Variants in SFTPD observed in about 807,000 individuals in gnomAD.
SFTPD encodes the protein surfactant protein D, also known as pulmonary surfactant-associated protein D.
Under a neutral mutation model 34.6 loss-of-function variants are expected in SFTPD, and 18 were observed. That is an observed-to-expected ratio of 0.52 (90% CI 0.36 to 0.77). The LOEUF is 0.77. SFTPD is among the 30% of genes least tolerant of loss of function. SFTPD has a pLI of 0.00. For synonymous variants in SFTPD, 155 were observed against 180.9 expected (o/e 0.86, Z 1.15); for missense variants, 433 against 468.9 (o/e 0.92, Z 0.71).
At position 79,959,219 on chromosome 10, in the gene SFTPD, G is replaced by A. The variant is rs375854094; in HGVS notation, c.37-12557C>T. 6.0e-3 allele frequency among the ~76,000 whole-genome samples: 878 copies of A among 146,178 alleles called. 6 individuals carry two copies. Among genetic ancestry groups the A allele is most frequent in the African/African-American group, 0.014 (521 of 36,562 alleles). ...AAAGATCCAAAATTGACACCCTAAC[G>A]TCACAATTAAAAGAACTAGAAAAGC... On this transcript the variant is annotated intron_variant, in intron 1 of 5. Transcript: ENST00000444384.
chr10:79,980,217 A>G (rs1322922819), intron 1 of SFTPD, among the ~76,000 whole-genome samples: 2 of 151,948 alleles, frequency 1.3e-5, no homozygotes, highest in Admixed American at 6.6e-5. Context: ...GGCCACAGGG[A>G]GGGACTCCTG....
chr10:79,954,870 G>C (rs1842729997), intron 1 of SFTPD, among the ~76,000 whole-genome samples: 1 of 152,106 alleles, frequency 6.6e-6, no homozygotes, highest in African/African-American at 2.4e-5. Flanking sequence ...GGTGGCCTTG[G>C]GAATGTATCT....
At chr10:79,962,805 C>T (rs1278314834) in intron 1 of SFTPD, among the ~76,000 whole-genome samples, 2 of 152,054 alleles carry the variant, frequency 1.3e-5, no homozygotes, top group African/African-American at 2.4e-5. Context: ...TATTCAACTC[C>T]GTGCATATAA....
chr10:79,962,873 C>T (rs1396570090), intron 1 of SFTPD, among the ~76,000 whole-genome samples: 1 of 152,082 alleles, frequency 6.6e-6, no homozygotes, highest in African/African-American at 2.4e-5. Context: ...TTTATCAAAA[C>T]CTTTTCAATG....
At position 79,942,011 on chromosome 10, in the gene SFTPD, T is replaced by C. The variant is rs1178107286; in HGVS notation, c.493A>G (p.Lys165Glu). The change falls in exon 5 of 8, where the codon AAG becomes GAG. Residue 165 changes from lysine to glutamate, a missense_variant. Lys to Glu is a moderately conservative substitution (Grantham distance 56). Coordinates refer to ENST00000372292, the MANE Select transcript of SFTPD (RefSeq NM_003019.5). ...SAGARGLAGP[K>E]GERGVPGERG... ...TCACCAGGGACACCTCGCTCTCCCT[T>C]AGGGCCTGCGAGGCCTCTTGCCCCT... 6.2e-7 allele frequency: 1 copy of C among 1,614,038 alleles called. No individual in the cohort carries two copies. The highest frequency in any genetic ancestry group is 1.1e-5 in the South Asian group (1 of 91,082).
At chr10:79,942,347 C>T in intron 4 of SFTPD, 41 bp downstream of exon 4, 1 of 1,368,936 alleles carries the variant, frequency 7.3e-7, no homozygotes, top group Non-Finnish European at 1.0e-6. Flanking sequence ...CTTGTCCTTC[C>T]TCCTTTCCCT....
intron 1 of SFTPD, among the ~76,000 whole-genome samples, chr10:79,956,783 T>C (rs1842742235): frequency 6.6e-6 from 1 of 152,216 alleles, no homozygotes; most frequent in African/African-American, 2.4e-5. Flanking sequence ...TGTCCCTGTC[T>C]GACAGCTTTG....
At chr10:79,948,165 G>A (rs1589336807) in intron 1 of SFTPD, among the ~76,000 whole-genome samples, 1 of 152,226 alleles carries the variant, frequency 6.6e-6, no homozygotes, top group Non-Finnish European at 1.5e-5. Context: ...ACTGCCAGCA[G>A]CGGCTACCTT....
At chr10:79,944,424 GGTGATCCGGGAGTAAA>G (rs1564529805) in intron 2 of SFTPD, among the ~76,000 whole-genome samples, 1 of 152,176 alleles carries the variant, frequency 6.6e-6, no homozygotes, top group Non-Finnish European at 1.5e-5. Flanking sequence ...TCACTGAGAA[GGTGATCCGGGAGTAAA>G]GTCCTGAAGG....
In SFTPD at chr10:79,937,850, G is replaced by A; in HGVS notation, c.*2C>T. On this transcript the variant is annotated 3_prime_UTR_variant, in exon 8 of 8. Coordinates refer to ENST00000372292, the MANE Select transcript of SFTPD (RefSeq NM_003019.5). ...AGCACTGCCCCACCCACCCCAGTTG[G>A]CTCAGAACTCGCAGACCACAAGACG... The A allele has an allele frequency of 1.3e-6, 2 of 1,534,904 alleles. No homozygotes were observed. The highest frequency in any genetic ancestry group is 1.8e-6 in the Non-Finnish European group (2 of 1,136,548).
Position 79,961,847 on chromosome 10 carries a change from A to G in SFTPD, c.37-15185T>C, listed in dbSNP as rs1233679844. ...CTGCTATAAAGACACATACACACGT[A>G]TGTTTATTGTGGCACTATTCACAAT... On this transcript the variant is annotated intron_variant, in intron 1 of 5. Coordinates refer to the SFTPD transcript ENST00000444384. 3.3e-5 allele frequency among the ~76,000 whole-genome samples: 5 copies of G among 152,162 alleles called. No homozygotes were observed. The South Asian group carries it at 1.0e-3, about 32-fold the overall frequency.
At chr10:79,980,503 C>T (rs1199204755) in intron 1 of SFTPD, among the ~76,000 whole-genome samples, 1 of 152,150 alleles carries the variant, frequency 6.6e-6, no homozygotes, top group African/African-American at 2.4e-5. Flanking sequence ...TCACCAGAGG[C>T]CTTAGGTGGG....
At chr10:79,945,440 C>T (rs1208145526) in intron 2 of SFTPD, among the ~76,000 whole-genome samples, 1 of 152,166 alleles carries the variant, frequency 6.6e-6, no homozygotes, top group East Asian at 1.9e-4. Context: ...CTTCGTCTTT[C>T]CAGAAAGTTA....
At chr10:79,945,662 A>G (rs1279554893) in intron 2 of SFTPD, among the ~76,000 whole-genome samples, 28 of 152,224 alleles carry the variant, frequency 1.8e-4, no homozygotes, top group Admixed American at 1.8e-3. Flanking sequence ...AGAAAATGCA[A>G]CTTTATCCCA....
In SFTPD at chr10:79,938,086, G is replaced by T; in HGVS notation, c.894C>A (p.Ala298=). 1 of 1,614,146 alleles carries T rather than the reference G, an allele frequency of 6.2e-7. No homozygotes were observed. Among genetic ancestry groups the T allele is most frequent in the East Asian group, 2.2e-5 (1 of 44,876 alleles). Residue 298 remains alanine (A), a synonymous_variant, in exon 8 of 8, where the codon GCC becomes GCA. Transcript: ENST00000372292. ...TAGCTACGACCAGCTGTTGCAAGGC[G>T]GCATTCTCAGCGGCAGAGCGTGGAG... ...LASPRSAAEN[A]ALQQLVVAKN...
intron 2 of SFTPD, among the ~76,000 whole-genome samples, chr10:79,945,320 T>C (rs1842654217): frequency 6.6e-6 from 1 of 151,972 alleles, no homozygotes; most frequent in South Asian, 2.1e-4. Flanking sequence ...GGATCCCCCC[T>C]GGACAGCCCT....
At chr10:79,970,052 G>A (rs1305887194) in intron 1 of SFTPD, 2 of 152,140 alleles carry the variant, frequency 1.3e-5, no homozygotes, top group African/African-American at 2.4e-5. Flanking sequence ...TGATTTTAGT[G>A]TATGGTATGA....
chr10:79,941,261 C>A, intron 6 of SFTPD, 137 bp downstream of exon 6: 2 of 767,372 alleles, frequency 2.6e-6, no homozygotes, highest in Non-Finnish European at 4.3e-6. Context: ...AGCCTGTCCG[C>A]CTTTCCTGAG....
At chr10:79,982,341 C>T in intron 1 of SFTPD, 1 of 975,010 alleles carries the variant, frequency 1.0e-6, no homozygotes, top group Non-Finnish European at 1.3e-6. Flanking sequence ...GGCGGCGCTG[C>T]TGCGAAGGCC....
Sources: allele counts gnomAD v4.1 joint callset (sites outside exome capture counted in the v4.1 genomes callset), GRCh38; gene constraint gnomAD v4.1.1; transcripts MANE v1.5; gene names NCBI Gene and HGNC (gene_info 2026-07-23, HGNC 2026-07-21).